ARHGEF28: variants seen among roughly 807,000 people sequenced by gnomAD.
ARHGEF28 encodes the protein Rho guanine nucleotide exchange factor 28.
Under a neutral mutation model 206.6 loss-of-function variants are expected in ARHGEF28, and 152 were observed. The observed-to-expected ratio is 0.74, with a 90% confidence interval of 0.64 to 0.84. The LOEUF (loss-of-function observed/expected upper bound fraction) is 0.84, where lower values mean the gene tolerates loss of function less well. Ranked by LOEUF, ARHGEF28 falls within the 40% of genes least tolerant of loss-of-function variation. The pLI is 0.00. For missense variants in ARHGEF28, 2,028 were observed against 2,073.2 expected, an observed-to-expected ratio of 0.98 and a Z score of 0.42; for synonymous variants, 763 against 776.4, an observed-to-expected ratio of 0.98 and a Z score of 0.29.
intron 3 of ARHGEF28, among the ~76,000 whole-genome samples, chr5:73,751,504 G>A (rs532841151): frequency 2.6e-5 from 4 of 152,240 alleles, no homozygotes; most frequent in Non-Finnish European, 5.9e-5. Flanking sequence ...TCTGGCTAAT[G>A]TTTTCCCTAC....
intron 9 of ARHGEF28, chr5:73,803,148 CCTG>C (rs1755242543): frequency 6.5e-6 from 1 of 153,086 alleles, no homozygotes; most frequent in Admixed American, 6.6e-5. Context: ...TTCCTTTTCC[CCTG>C]CAACATCACC....
chr5:73,636,678 T>A (rs1561300174), intron 1 of ARHGEF28, among the ~76,000 whole-genome samples: 2 of 152,276 alleles, frequency 1.3e-5, no homozygotes, highest in East Asian at 3.9e-4. Context: ...GTAGCAAAGG[T>A]TGGACCAGAA....
At chr5:73,903,410 G>A (rs1254756137) in intron 31 of ARHGEF28, 1 of 152,160 alleles carries the variant, frequency 6.6e-6, no homozygotes, top group Non-Finnish European at 1.5e-5. Flanking sequence ...ATAATATGGA[G>A]CACATGGACA....
intron 13 of ARHGEF28, among the ~76,000 whole-genome samples, chr5:73,850,005 C>A (rs1294179987): frequency 6.6e-6 from 1 of 151,376 alleles, no homozygotes. Flanking sequence ...AAGTACTACT[C>A]AAATATTTTC....
At chr5:73,778,620 A>C (rs901943706) in intron 6 of ARHGEF28, among the ~76,000 whole-genome samples, 1 of 152,136 alleles carries the variant, frequency 6.6e-6, no homozygotes, top group Non-Finnish European at 1.5e-5. Context: ...CCGAGAAGGA[A>C]GGGCTGAGAG....
At chr5:73,887,946 G>A (rs1761401753) in intron 26 of ARHGEF28, among the ~76,000 whole-genome samples, 2 of 152,218 alleles carry the variant, frequency 1.3e-5, no homozygotes, top group Non-Finnish European at 2.9e-5. Context: ...CAGTCCTTCA[G>A]TAGTGGTTGG....
At chr5:73,814,842 A>G (rs534764866) in intron 9 of ARHGEF28, among the ~76,000 whole-genome samples, 1 of 152,270 alleles carries the variant, frequency 6.6e-6, no homozygotes, top group Non-Finnish European at 1.5e-5. Flanking sequence ...TTTAGCTTAG[A>G]TCAAGGCCAA....
At chr5:73,906,643 A>G (rs1027751586) in intron 33 of ARHGEF28, among the ~76,000 whole-genome samples, 3 of 152,346 alleles carry the variant, frequency 2.0e-5, no homozygotes, top group East Asian at 1.9e-4. Context: ...TACTTGTCTT[A>G]TAAAAGAACA....
intron 16 of ARHGEF28, among the ~76,000 whole-genome samples, chr5:73,864,247 T>C (rs1435085082): frequency 6.6e-6 from 1 of 152,222 alleles, no homozygotes; most frequent in African/African-American, 2.4e-5. Flanking sequence ...TGAGATGACA[T>C]TGTTTTATGA....
intron 11 of ARHGEF28, 90 bp from the exon 12 acceptor site, chr5:73,846,178 G>A (rs909059038): frequency 4.0e-6 from 5 of 1,255,928 alleles, no homozygotes; most frequent in African/African-American, 3.0e-5. Flanking sequence ...CCCCGCCCCA[G>A]TGAAAGAATC....
intron 30 of ARHGEF28, chr5:73,900,267 A>C (rs1276362218): frequency 1.3e-5 from 2 of 152,240 alleles, no homozygotes; most frequent in African/African-American, 4.8e-5. Flanking sequence ...AGACACAATA[A>C]AAATTATACA....
At chr5:73,640,804 A>G (rs1199253682) in intron 1 of ARHGEF28, among the ~76,000 whole-genome samples, 1 of 152,208 alleles carries the variant, frequency 6.6e-6, no homozygotes, top group African/African-American at 2.4e-5. Context: ...AGTTTAAATG[A>G]TATTTAAATA....
At chr5:73,766,099 C>T (rs1049173539) in intron 4 of ARHGEF28, among the ~76,000 whole-genome samples, 1 of 150,916 alleles carries the variant, frequency 6.6e-6, no homozygotes, top group Non-Finnish European at 1.5e-5. Context: ...TTGCAGTGAG[C>T]TGAGACTGTG....
At chr5:73,791,601 T>C (rs1754486111) in intron 7 of ARHGEF28, among the ~76,000 whole-genome samples, 1 of 152,168 alleles carries the variant, frequency 6.6e-6, no homozygotes, top group African/African-American at 2.4e-5. Flanking sequence ...GTCTAGACTC[T>C]GTGGTCTCAT....
chr5:73,776,830 A>C lies in ARHGEF28; in HGVS notation c.840+134A>C, dbSNP rs188955465. On this transcript the variant is annotated intron_variant, in intron 6 of 35. Transcript: ENST00000513042. ...AAACCTTGGGGGACATGAAATTGGA[A>C]ACTGCATTAGATCAGTAGAATGAAG... 229 of 650,552 alleles carry C rather than the reference A, an allele frequency of 3.5e-4. 2 individuals carry two copies. The East Asian group carries it at 6.0e-3, about 17-fold the overall frequency. The allele number at this position is 650,552 out of a possible 1,614,324, so 40.3% of individuals were successfully genotyped here. A position where few individuals can be genotyped will look rare whatever the true frequency, so the allele number is the denominator to read the frequency against.
chr5:73,916,387 C>G (rs1763213385), intron 35 of ARHGEF28, among the ~76,000 whole-genome samples: 1 of 152,072 alleles, frequency 6.6e-6, no homozygotes, highest in Non-Finnish European at 1.5e-5. Flanking sequence ...CTAGGGCTGC[C>G]ATAACAAAGT....
chr5:73,642,211 T>C (rs1284384137), intron 1 of ARHGEF28, among the ~76,000 whole-genome samples: 2 of 152,250 alleles, frequency 1.3e-5, no homozygotes, highest in Non-Finnish European at 2.9e-5. Flanking sequence ...TTTGTCTTTA[T>C]AGTGAAACTA....
intron 1 of ARHGEF28, among the ~76,000 whole-genome samples, chr5:73,666,359 A>C (rs551163341): frequency 5.3e-5 from 8 of 152,336 alleles, no homozygotes; most frequent in African/African-American, 1.4e-4. Context: ...TTGTGCCTGC[A>C]GCTTGAGTTG....
chr5:73,679,424 G>C lies in ARHGEF28; in HGVS notation c.-11-5417G>C, dbSNP rs145076933. On this transcript the variant is annotated intron_variant, in intron 1 of 35. Transcript: ENST00000513042. ...TCTACTAAAAATACAAAAATTAGCT[G>C]GGTGTGGTGACACACACCTGTAATC... Among the ~76,000 whole-genome samples the C allele has an allele frequency of 7.9e-3, 1,205 of 152,168 alleles. 18 individuals carry two copies. Among genetic ancestry groups the C allele is most frequent in the African/African-American group, 0.028 (1,150 of 41,512 alleles).
Sources: allele counts gnomAD v4.1 joint callset (sites outside exome capture counted in the v4.1 genomes callset), GRCh38; gene constraint gnomAD v4.1.1; transcripts MANE v1.5; gene names NCBI Gene and HGNC (gene_info 2026-07-23, HGNC 2026-07-21).